NEB: variants seen among roughly 807,000 people sequenced by gnomAD.
The protein encoded by NEB is nebulin.
A neutral mutation model predicts 952.2 loss-of-function variants in NEB; 512 were observed. The ratio of observed to expected loss-of-function variants is 0.54; its 90% CI spans 0.50 to 0.58. NEB has a LOEUF of 0.58. NEB is among the 20% of genes least tolerant of loss of function. NEB has a pLI of 0.00. For missense variants in NEB, 8,428 were observed against 9,231.1 expected, an observed-to-expected ratio of 0.91 and a Z score of 3.56; for synonymous variants, 2,900 against 3,149.8, an observed-to-expected ratio of 0.92 and a Z score of 2.66.
At chr2:151,521,239 A>G (rs746282255) in intron 153 of NEB, among the ~76,000 whole-genome samples, 21 of 152,232 alleles carry the variant, frequency 1.4e-4, no homozygotes, top group Admixed American at 1.3e-4. Flanking sequence ...TGCATTCACA[A>G]TGCTGAGACT....
chr2:151,559,820 T>C (rs2095906090), intron 124 of NEB, among the ~76,000 whole-genome samples: 1 of 152,120 alleles, frequency 6.6e-6, no homozygotes, highest in Non-Finnish European at 1.5e-5. Context: ...GGGATAGCAT[T>C]AGGAGAAATA....
Position 151,663,692 on chromosome 2 carries a change from C to T in NEB, c.5619G>A (p.Val1873=), listed in dbSNP as rs767827095. 3 of 1,613,804 alleles carry T rather than the reference C, an allele frequency of 1.9e-6. No homozygotes were observed. Among genetic ancestry groups the T allele is most frequent in the Admixed American group, 3.3e-5 (2 of 59,982 alleles). ...TGGCTGCCACCACACTGAGCATGTC[C>T]ACCGGGGTGTGGAAGGAGGTCTTGG... is the stretch of plus-strand genomic sequence containing the variant. The part of the protein sequence containing the change: ...EKSKTSFHTP[V]DMLSVVAAKK... Residue 1873 remains valine (V), a synonymous_variant, in exon 45 of 182, where the codon GTG becomes GTA. Coordinates refer to ENST00000397345, the MANE Select transcript of NEB (RefSeq NM_001164508.2).
At position 151,661,850 on chromosome 2, in the gene NEB, T is replaced by C. The variant is rs185672413; in HGVS notation, c.5970+285A>G. ...CAGTGTCATGAATGTCTATTCAACC[T>C]CACCTTAGACAAACAGGACTCATTT... On this transcript the variant is annotated intron_variant, in intron 46 of 181. Coordinates refer to ENST00000397345, the MANE Select transcript of NEB (RefSeq NM_001164508.2). Among the ~76,000 whole-genome samples, 6 of 152,316 alleles carry C rather than the reference T, an allele frequency of 3.9e-5. No homozygotes were observed. The East Asian group carries it at 1.2e-3, about 29-fold the overall frequency.
intron 107 of NEB, among the ~76,000 whole-genome samples, chr2:151,571,909 GT>G (rs1185257983): frequency 1.3e-5 from 2 of 152,186 alleles, no homozygotes; most frequent in Non-Finnish European, 2.9e-5. Flanking sequence ...TTTTATCCTT[GT>G]AAGCATGGAC....
intron 142 of NEB, among the ~76,000 whole-genome samples, chr2:151,533,843 TAAG>T (rs756070569): frequency 1.7e-4 from 26 of 152,256 alleles, no homozygotes; most frequent in Non-Finnish European, 1.8e-4. Context: ...AGATATATAG[TAAG>T]GAGTTATGTC....
At chr2:151,700,871 A>G (rs1191823809) in intron 13 of NEB, among the ~76,000 whole-genome samples, 7 of 100,768 alleles carry the variant, frequency 6.9e-5, no homozygotes, top group South Asian at 3.3e-4. Flanking sequence ...TCTCCTGCCT[A>G]ATTGCCCTGG....
Position 151,492,328 on chromosome 2 carries a change from T to A in NEB, c.24874-47A>T, listed in dbSNP as rs2288193. On this transcript the variant is annotated intron_variant, in intron 177 of 181. Transcript: ENST00000397345. Reference sequence around the variant, plus strand: ...TTATGAAAATATGATGGTGTGACTATATCCCTTTTTACACATTCTGACAGG... The same window carrying A: ...TTATGAAAATATGATGGTGTGACTAAATCCCTTTTTACACATTCTGACAGG... 522,102 of 1,593,840 alleles carry A rather than the reference T, an allele frequency of 0.33. 89,955 individuals carry two copies. The highest frequency in any genetic ancestry group is 0.36 in the Non-Finnish European group (418,258 of 1,167,618).
At chr2:151,715,418 C>T (rs939074421) in intron 10 of NEB, among the ~76,000 whole-genome samples, 3 of 152,156 alleles carry the variant, frequency 2.0e-5, no homozygotes, top group Non-Finnish European at 4.4e-5. Flanking sequence ...TATATCCCCA[C>T]CCCCCAAATT....
Position 151,679,974 on chromosome 2 carries a change from G to C in NEB, c.3091C>G (p.Pro1031Ala). 1 of 1,613,714 alleles carries C rather than the reference G, an allele frequency of 6.2e-7. No homozygotes were observed. The highest frequency in any genetic ancestry group is 8.5e-7 in the Non-Finnish European group (1 of 1,179,626). Residue 1031 changes from proline to alanine, a missense_variant, in exon 31 of 182, where the codon CCA becomes GCA. Coordinates refer to ENST00000397345, the MANE Select transcript of NEB (RefSeq NM_001164508.2). Reference protein sequence around the residue: ...GEEIIHKYNLPPDLPQFIQAK... With the variant: ...GEEIIHKYNLAPDLPQFIQAK... ...TGGATGAACTGGGGCAGGTCTGGTG[G>C]CAGGTTGTATTTGTGAATAATTTCC... is the stretch of plus-strand genomic sequence containing the variant.
intron 173 of NEB, among the ~76,000 whole-genome samples, chr2:151,495,956 C>G (rs1409200340): frequency 6.6e-6 from 1 of 152,106 alleles, no homozygotes; most frequent in Non-Finnish European, 1.5e-5. Flanking sequence ...CCCACACGTA[C>G]CCGTCCTAAA....
chr2:151,641,134 C>G (rs4564765), intron 60 of NEB, among the ~76,000 whole-genome samples: 95,528 of 152,020 alleles, frequency 0.63, 36,838 homozygotes, highest in Non-Finnish European at 0.84. Flanking sequence ...CAAAGAATGT[C>G]TGTATATTTA....
chr2:151,628,782 A>C (rs1174591207), intron 68 of NEB, among the ~76,000 whole-genome samples: 1 of 152,134 alleles, frequency 6.6e-6, no homozygotes. Context: ...GAATCACTTG[A>C]ACCCGGGAGG....
chr2:151,516,590 T>A, intron 156 of NEB, 27 bp from the exon 157 acceptor site: 1 of 1,437,652 alleles, frequency 7.0e-7, no homozygotes, highest in South Asian at 1.2e-5. Context: ...ATGTTAGATA[T>A]CTCTCCTCTG....
At position 151,640,648 on chromosome 2, in the gene NEB, A is replaced by G; in HGVS notation, c.8392T>C (p.Tyr2798His). Residue 2798 changes from tyrosine to histidine, a missense_variant, in exon 61 of 182, where the codon TAT (tyrosine) becomes CAT (histidine). By Grantham distance (83) the Tyr-to-His change is moderately conservative. Coordinates refer to ENST00000397345, the MANE Select transcript of NEB (RefSeq NM_001164508.2). ...ATGTGGTGGCCGAGCTGCTTACGAT[A>G]GCCTTCTTTGTACTTGAACTAAAAG... ...IASEFKYKEG[Y>H]RKQLGHHIGA... 1 of 1,612,474 alleles carries G rather than the reference A, an allele frequency of 6.2e-7. No individual in the cohort carries two copies.
At chr2:151,677,430 T>G (rs1294972891) in intron 34 of NEB, 135 bp downstream of exon 34, 13 of 670,772 alleles carry the variant, frequency 1.9e-5, no homozygotes, top group Admixed American at 1.1e-4. Flanking sequence ...TAACTGTAAT[T>G]TTTAAAAAAT....
chr2:151,618,231 C>T (rs780888406), intron 74 of NEB, 44 bp downstream of exon 74: 1 of 1,528,826 alleles, frequency 6.5e-7, no homozygotes, highest in Admixed American at 1.7e-5. Flanking sequence ...TTAAATTGTT[C>T]TGTGGTAACT....
At chr2:151,550,853 T>G (rs4372897) in intron 129 of NEB, among the ~76,000 whole-genome samples, 1 of 151,370 alleles carries the variant, frequency 6.6e-6, no homozygotes, top group African/African-American at 2.4e-5. Context: ...ACCATGTTGC[T>G]CAGGCTGGTC....
intron 76 of NEB, 37 bp downstream of exon 76, chr2:151,615,965 T>G (rs190784493): frequency 3.4e-6 from 5 of 1,476,504 alleles, no homozygotes; most frequent in Non-Finnish European, 4.7e-6. Flanking sequence ...GTCAACATCT[T>G]TGAATAAGAA....
In NEB at chr2:151,627,798, G is replaced by C; in HGVS notation, c.9868C>G (p.His3290Asp). ...TCAATGTTCCGGGCTCCAATGTGGT[G>C]GCCGAGCTGCTTGCGGTAACCATCT... ...YKDGYRKQLG[H>D]HIGARNIEDD... is the part of the protein sequence containing the mutation. The change falls in exon 69 of 182, where the codon CAC becomes GAC. Residue 3290 changes from histidine (H) to aspartate (D), a missense_variant. Physicochemically the swap from His to Asp is moderately conservative, Grantham distance 81. Around this residue, in one of 11 missense-constraint regions of NEB, gnomAD observed 1,772 missense variants for 1,960.3 expected, o/e 0.90. Coordinates refer to ENST00000397345, the MANE Select transcript of NEB (RefSeq NM_001164508.2). The C allele has an allele frequency of 6.2e-7, 1 of 1,613,914 alleles. No individual in the cohort carries two copies. The highest frequency in any genetic ancestry group is 8.5e-7 in the Non-Finnish European group (1 of 1,179,858).
Sources: gnomAD v4.1 joint callset for allele counts (sites outside exome capture counted in the v4.1 genomes callset) on GRCh38, gnomAD v4.1.1 for gene constraint, gnomAD v4.1.1 regional missense constraint, MANE v1.5 for transcripts, NCBI Gene and HGNC (gene_info 2026-07-23, HGNC 2026-07-21) for gene names.